The following STAT5A variants were observed in gnomAD, a reference collection of about 807,000 sequenced individuals.
The protein encoded by STAT5A is epididymis secretory sperm binding protein.
In STAT5A, 26 loss-of-function variants were observed where a neutral mutation model predicts 100.2. That is an observed-to-expected ratio of 0.26 (90% CI 0.19 to 0.36). The LOEUF (loss-of-function observed/expected upper bound fraction) is 0.36, where lower values mean the gene tolerates loss of function less well. Among genes scored for constraint, STAT5A ranks in the 10% least tolerant of loss-of-function variants. STAT5A has a pLI of 1.00. For synonymous variants in STAT5A, 330 were observed against 424.3 expected, an observed-to-expected ratio of 0.78 and a Z score of 2.73; for missense variants, 634 against 1,027.5, an observed-to-expected ratio of 0.62 and a Z score of 5.24.
intron 17 of STAT5A, 52 bp from the exon 18 acceptor site, chr17:42,309,325 C>T (rs998263113): frequency 6.2e-7 from 1 of 1,601,836 alleles, no homozygotes; most frequent in African/African-American, 1.3e-5. Flanking sequence ...CTCCCCAAGT[C>T]AGCTGCCCCG....
chr17:42,289,741 A>C, intron 2 of STAT5A, 125 bp from the exon 3 acceptor site: 1 of 1,393,636 alleles, frequency 7.2e-7, no homozygotes, highest in Non-Finnish European at 9.5e-7. Flanking sequence ...GCTGCTGGGA[A>C]CAAGTCTTGT....
rs1339569612 is a variant in STAT5A, at chr17:42,309,502, G to C, written c.2222+18G>C. 1 of 1,610,086 alleles carries C rather than the reference G, an allele frequency of 6.2e-7. No individual in the cohort carries two copies. Among genetic ancestry groups the C allele is most frequent in the Admixed American group, 1.7e-5 (1 of 59,660 alleles). ...CCACAGAAGTAGGTGGTGTTCTCATGGGGTCCGCAGGGGAAGAACTGGGGA... is the reference window on the plus strand; with the variant it reads ...CCACAGAAGTAGGTGGTGTTCTCATCGGGTCCGCAGGGGAAGAACTGGGGA... On this transcript the variant is annotated intron_variant, in intron 18 of 18. Coordinates refer to ENST00000590949, the MANE Select transcript of STAT5A (RefSeq NM_001288718.2).
chr17:42,306,185 G>A, intron 12 of STAT5A, 56 bp from the exon 13 acceptor site: 3 of 1,613,210 alleles, frequency 1.9e-6, no homozygotes, highest in Non-Finnish European at 2.5e-6. Flanking sequence ...TTGTGTGTGT[G>A]TGAATATTTC....
intron 12 of STAT5A, 30 bp from the exon 13 acceptor site, chr17:42,306,211 A>G (rs779458989): frequency 1.2e-6 from 2 of 1,613,540 alleles, no homozygotes; most frequent in East Asian, 4.5e-5. Context: ...CCCTCAATCT[A>G]CCTTTTCCCC....
Position 42,308,419 on chromosome 17 carries a change from A to G in STAT5A, c.2062+86A>G, listed in dbSNP as rs751786374. 24 of 1,592,516 alleles carry G rather than the reference A, an allele frequency of 1.5e-5. No homozygotes were observed. In the South Asian group the frequency reaches 2.5e-4, roughly 16 times the overall value. ...CAAAGCCTTGGGCTGCGCCGTGGGG[A>G]CTTCCCCAGGAGGAGCCTAGGGGCC... On this transcript the variant is annotated intron_variant, in intron 16 of 18. Transcript: ENST00000590949. The surrounding 1 kb of genome is among the most constrained non-coding windows in gnomAD (Gnocchi z 4.6).
At chr17:42,290,056 A>T in intron 3 of STAT5A, 34 bp downstream of exon 3, 3 of 1,569,452 alleles carry the variant, frequency 1.9e-6, no homozygotes, top group Non-Finnish European at 2.6e-6. Flanking sequence ...TACGGGGAGG[A>T]AGCATCATCT....
chr17:42,298,734 G>A (rs1181586965), intron 5 of STAT5A, among the ~76,000 whole-genome samples: 1 of 152,034 alleles, frequency 6.6e-6, no homozygotes, highest in East Asian at 1.9e-4. Flanking sequence ...TGATCTGCCC[G>A]CCTCAGTCTC....
chr17:42,289,741 A>T (rs1338609637), intron 2 of STAT5A, 125 bp from the exon 3 acceptor site: 10 of 1,393,636 alleles, frequency 7.2e-6, no homozygotes, highest in Non-Finnish European at 9.5e-6. Context: ...GCTGCTGGGA[A>T]CAAGTCTTGT....
rs1331800891 is a variant in STAT5A at position 42,291,965 on chromosome 17, C to A, written c.286-7C>A. The A allele has an allele frequency of 6.2e-7, 1 of 1,613,570 alleles. No individual in the cohort carries two copies. Among genetic ancestry groups the A allele is most frequent in the East Asian group, 2.2e-5 (1 of 44,874 alleles). ...TGGCGCTGGAGGCTACTGTTGGATT[C>A]TTTCAGAAAACATATGACCGCTGCC... On this transcript the variant is annotated splice_polypyrimidine_tract_variant and splice_region_variant and intron_variant, in intron 3 of 18. Coordinates refer to ENST00000590949, the MANE Select transcript of STAT5A (RefSeq NM_001288718.2).
chr17:42,298,795 G>C lies in STAT5A; in HGVS notation c.551-956G>C, dbSNP rs1403936271. 2.0e-5 allele frequency among the ~76,000 whole-genome samples: 3 copies of C among 152,128 alleles called. No homozygotes were observed. The East Asian group carries it at 5.8e-4, about 29-fold the overall frequency. On this transcript the variant is annotated intron_variant, in intron 5 of 18. Transcript: ENST00000590949. ...AGCCACTGCGCCCAGCCCCATGATG[G>C]ATACTTTTTAAAAGCTAGTGAGGCC...
intron 7 of STAT5A, 74 bp from the exon 8 acceptor site, chr17:42,300,641 G>A: frequency 6.2e-7 from 1 of 1,612,702 alleles, no homozygotes; most frequent in Non-Finnish European, 8.5e-7. Context: ...GGGGGAACGG[G>A]AGCTGTGTCT....
intron 9 of STAT5A, among the ~76,000 whole-genome samples, chr17:42,303,211 A>T (rs1283174197): frequency 1.3e-5 from 2 of 152,056 alleles, no homozygotes; most frequent in African/African-American, 2.4e-5. Context: ...GTGCCATTGC[A>T]CTCCAGCCTG....
At chr17:42,297,665 G>A (rs1011145089) in intron 5 of STAT5A, among the ~76,000 whole-genome samples, 1 of 152,026 alleles carries the variant, frequency 6.6e-6, no homozygotes, top group Non-Finnish European at 1.5e-5. Flanking sequence ...GCTGGGCCCA[G>A]GTGTTGGGAT....
chr17:42,306,054 C>CTGCA, intron 12 of STAT5A, 187 bp from the exon 13 acceptor site: 2 of 1,025,338 alleles, frequency 2.0e-6, no homozygotes, highest in Non-Finnish European at 2.8e-6. Context: ...GTTTTCTTCC[C>CTGCA]TGCAGGCTGG....
intron 9 of STAT5A, among the ~76,000 whole-genome samples, chr17:42,302,880 C>T (rs543992530): frequency 2.3e-4 from 35 of 151,932 alleles, no homozygotes; most frequent in Admixed American, 1.6e-3. Flanking sequence ...CACTTGAACC[C>T]GGAGGTGGAC....
intron 11 of STAT5A, 45 bp from the exon 12 acceptor site, chr17:42,305,565 G>A (rs200794191): frequency 1.1e-5 from 17 of 1,538,208 alleles, no homozygotes; most frequent in East Asian, 2.3e-5. Context: ...CAGAGGGCAC[G>A]TGGTGGTCAC....
intron 13 of STAT5A, among the ~76,000 whole-genome samples, chr17:42,306,769 G>T (rs974672890): frequency 6.6e-6 from 1 of 152,014 alleles, no homozygotes; most frequent in Non-Finnish European, 1.5e-5. Context: ...ACCCAGGCTG[G>T]AGTGCAGTGG....
intron 12 of STAT5A, 152 bp downstream of exon 12, chr17:42,305,854 C>T (rs927401632): frequency 1.2e-5 from 10 of 804,264 alleles, no homozygotes; most frequent in Admixed American, 5.7e-5. Flanking sequence ...GGGTGCTGGG[C>T]GCCTGCCTTC....
chr17:42,291,893 A>G (rs1355853787), intron 3 of STAT5A, 79 bp from the exon 4 acceptor site: 1 of 1,494,138 alleles, frequency 6.7e-7, no homozygotes, highest in African/African-American at 1.4e-5. Flanking sequence ...GCTGAAGGAG[A>G]GGAAGGGCTG....
Sources: allele counts gnomAD v4.1 joint callset (sites outside exome capture counted in the v4.1 genomes callset), GRCh38; gene constraint gnomAD v4.1.1; non-coding constraint Gnocchi (gnomAD v3.1); transcripts MANE v1.5; gene names NCBI Gene and HGNC (gene_info 2026-07-23, HGNC 2026-07-21).